PCDHAC1: variants seen among roughly 807,000 people sequenced by gnomAD.
PCDHAC1 encodes protocadherin alpha-C1.
In PCDHAC1, 42 loss-of-function variants were observed where a neutral mutation model predicts 60.0. That is an observed-to-expected ratio of 0.70 (90% CI 0.55 to 0.90). PCDHAC1 has a LOEUF of 0.90. Ranked by LOEUF, PCDHAC1 falls within the 40% of genes least tolerant of loss-of-function variation. PCDHAC1 has a pLI of 0.00. For synonymous variants in PCDHAC1, 468 were observed against 499.3 expected (o/e 0.94, Z 0.84); for missense variants, 1,160 against 1,222.3 (o/e 0.95, Z 0.76).
At chr5:140,948,819 A>G (rs1332127797) in intron 1 of PCDHAC1, among the ~76,000 whole-genome samples, 5 of 151,420 alleles carry the variant, frequency 3.3e-5, no homozygotes, top group Middle Eastern at 3.4e-3. Context: ...TTTCTATTTC[A>G]TTAATTTCTG....
At chr5:140,969,170 G>A in intron 1 of PCDHAC1, 1 of 1,614,114 alleles carries the variant, frequency 6.2e-7, no homozygotes. Flanking sequence ...AGCAGGCTCA[G>A]GGAGTGACAC....
chr5:140,967,515 C>G, intron 1 of PCDHAC1: 1 of 1,612,792 alleles, frequency 6.2e-7, no homozygotes, highest in Non-Finnish European at 8.5e-7. Flanking sequence ...GTCCTGGACA[C>G]TAACGACAAC....
intron 1 of PCDHAC1, among the ~76,000 whole-genome samples, chr5:140,962,849 T>C (rs1434907172): frequency 6.6e-6 from 1 of 152,214 alleles, no homozygotes; most frequent in African/African-American, 2.4e-5. Context: ...ATATAACTTG[T>C]GCTCGGTTTG....
chr5:140,988,936 T>C (rs2097321406), intron 3 of PCDHAC1: 1 of 152,158 alleles, frequency 6.6e-6, no homozygotes, highest in Non-Finnish European at 1.5e-5. Flanking sequence ...ACTGTTCTCT[T>C]AGGCTGCAGT....
intron 1 of PCDHAC1, among the ~76,000 whole-genome samples, chr5:140,944,243 A>C (rs1202248629): frequency 2.6e-5 from 4 of 152,208 alleles, no homozygotes; most frequent in Non-Finnish European, 2.9e-5. Context: ...GCTGGAGTGC[A>C]GTGATGTGAT....
At position 141,003,524 on chromosome 5, in the gene PCDHAC1, G is replaced by T. The variant is rs2098128799; in HGVS notation, c.2582-6103G>T. On this transcript the variant is annotated intron_variant, in intron 3 of 3. Coordinates refer to ENST00000253807, the MANE Select transcript of PCDHAC1 (RefSeq NM_018898.5). ...GATGGGGTTTCACCATGTTCCCTAG[G>T]CTGGTCTTGAACTCCTGGCTTCAAG... 4.6e-5 allele frequency among the ~76,000 whole-genome samples: 7 copies of T among 152,070 alleles called. No individual in the cohort carries two copies. In the South Asian group the frequency reaches 1.5e-3, roughly 32 times the overall value.
At chr5:140,947,769 A>G (rs2094173274) in intron 1 of PCDHAC1, among the ~76,000 whole-genome samples, 1 of 151,626 alleles carries the variant, frequency 6.6e-6, no homozygotes, top group South Asian at 2.1e-4. Context: ...AAAAAATTCT[A>G]TTGTAAATGG....
Position 140,928,283 on chromosome 5 carries a change from T to C in PCDHAC1, c.1391T>C (p.Leu464Pro), listed in dbSNP as rs782493603. 4.3e-6 allele frequency: 7 copies of C among 1,614,178 alleles called. No individual in the cohort carries two copies. The highest frequency in any genetic ancestry group is 5.1e-6 in the Non-Finnish European group (6 of 1,180,032). Reference sequence around the variant, plus strand: ...GAAAACAATGGCCCTGGGGCCTCTCTAGGCCGAGTGTTTGCCCAGGACCCC... The same window carrying C: ...GAAAACAATGGCCCTGGGGCCTCTCCAGGCCGAGTGTTTGCCCAGGACCCC... ...VAENNGPGASLGRVFAQDPDL... is the reference protein window; with the variant it reads ...VAENNGPGASPGRVFAQDPDL... The change falls in exon 1 of 4, where the codon CTA becomes CCA. Residue 464 changes from leucine to proline, a missense_variant. Leu to Pro is a moderately conservative substitution (Grantham distance 98, BLOSUM62 -3). This residue lies in a region of PCDHAC1 where 1,113 missense variants were observed against 1,163.7 expected (regional missense o/e 0.96). Transcript: ENST00000253807.
chr5:140,957,523 T>G (rs987363578), intron 1 of PCDHAC1, among the ~76,000 whole-genome samples: 1 of 152,156 alleles, frequency 6.6e-6, no homozygotes, highest in African/African-American at 2.4e-5. Context: ...TTTCAGACAT[T>G]CAGTGGGGAT....
In PCDHAC1 at chr5:140,967,411, A is replaced by T. The variant is rs142102675; in HGVS notation, c.2434-11538A>T. The T allele has an allele frequency of 4.6e-5, 74 of 1,613,220 alleles. No individual in the cohort carries two copies. The African/African-American group carries it at 9.5e-4, about 21-fold the overall frequency. On this transcript the variant is annotated intron_variant, in intron 1 of 3. Coordinates refer to ENST00000253807, the MANE Select transcript of PCDHAC1 (RefSeq NM_018898.5). The stretch of plus-strand genomic sequence containing the variant: ...TTGAGCTGGTGCTGCGTAAGGGCCT[A>T]GACCGGGAGCAGGCAGCCTTGCACC...
chr5:141,006,346 G>C (rs2098268580), intron 3 of PCDHAC1, among the ~76,000 whole-genome samples: 1 of 151,806 alleles, frequency 6.6e-6, no homozygotes, highest in South Asian at 2.1e-4. Context: ...TGAGTAGCTG[G>C]GACTATAGGC....
chr5:140,981,498 T>C (rs1299157295), intron 2 of PCDHAC1, among the ~76,000 whole-genome samples: 1 of 152,146 alleles, frequency 6.6e-6, no homozygotes, highest in African/African-American at 2.4e-5. Context: ...TGCTTGAACC[T>C]GGGAGGCAGA....
chr5:140,961,510 T>C (rs1201672141), intron 1 of PCDHAC1, among the ~76,000 whole-genome samples: 1 of 152,246 alleles, frequency 6.6e-6, no homozygotes, highest in Non-Finnish European at 1.5e-5. Context: ...CTTTGTTTAA[T>C]GTCTCCACAA....
intron 1 of PCDHAC1, among the ~76,000 whole-genome samples, chr5:140,934,787 C>A (rs1383149637): frequency 6.6e-6 from 1 of 152,096 alleles, no homozygotes; most frequent in African/African-American, 2.4e-5. Context: ...CAATCCATGT[C>A]AATTATCTTT....
rs1554262627 is a variant in PCDHAC1 at position 141,009,982 on chromosome 5, T to C, written c.*45T>C. On this transcript the variant is annotated 3_prime_UTR_variant, in exon 4 of 4. Transcript: ENST00000253807. ...GCCACTTAGCCAGTTTTTGTAATAA[T>C]GGCAAATCTCTCCCATGTAGCAATT... 1 of 1,582,572 alleles carries C rather than the reference T, an allele frequency of 6.3e-7. No homozygotes were observed. Among genetic ancestry groups the C allele is most frequent in the East Asian group, 2.2e-5 (1 of 44,666 alleles).
At chr5:141,004,698 T>C (rs2098177351) in intron 3 of PCDHAC1, among the ~76,000 whole-genome samples, 1 of 152,222 alleles carries the variant, frequency 6.6e-6, no homozygotes, top group East Asian at 1.9e-4. Context: ...AACCCAGTTT[T>C]AGGTGCCGAA....
chr5:141,005,701 CAAAAAAAAAAAA>C (rs59860837), intron 3 of PCDHAC1, among the ~76,000 whole-genome samples: 139 of 7,794 alleles, frequency 0.018, no homozygotes, highest in African/African-American at 0.055. Context: ...AACTCCGTCT[CAAAAAAAAAAAA>C]AAAAAAAAAA....
rs1554262937 is a variant in PCDHAC1 at position 141,010,412 on chromosome 5, G to A, written c.*475G>A. 2.5e-6 allele frequency: 3 copies of A among 1,201,296 alleles called. No homozygotes were observed. Among genetic ancestry groups the A allele is most frequent in the Non-Finnish European group, 3.4e-6 (3 of 885,080 alleles). 74.4% of individuals were successfully genotyped at this position (1,201,296 alleles called of 1,614,324 possible). On this transcript the variant is annotated 3_prime_UTR_variant, in exon 4 of 4. Coordinates refer to ENST00000253807, the MANE Select transcript of PCDHAC1 (RefSeq NM_018898.5). ...GAGACGAGCCAGCTTAGACTAATTG[G>A]TACAAGGAAGGCAAGAAAACAAAGA...
At chr5:140,981,537 G>C (rs375537131) in intron 2 of PCDHAC1, among the ~76,000 whole-genome samples, 2 of 152,290 alleles carry the variant, frequency 1.3e-5, no homozygotes, top group East Asian at 3.9e-4. Context: ...TCGTGCCACT[G>C]TACTCCAGCC....
Sources: gnomAD v4.1 joint callset for allele counts (sites outside exome capture counted in the v4.1 genomes callset) on GRCh38, gnomAD v4.1.1 for gene constraint, gnomAD v4.1.1 regional missense constraint, MANE v1.5 for transcripts, NCBI Gene and HGNC (gene_info 2026-07-23, HGNC 2026-07-21) for gene names.